Variants in SLIT3 observed in about 807,000 individuals in gnomAD.
SLIT3 encodes the protein slit guidance ligand 3.
In SLIT3, 68 loss-of-function variants were observed where a neutral mutation model predicts 184.0. The observed-to-expected ratio is 0.37, with a 90% CI of 0.30 to 0.45. The LOEUF (loss-of-function observed/expected upper bound fraction) is 0.45. SLIT3 is among the 20% of genes least tolerant of loss of function. The probability of loss-of-function intolerance (pLI) is 1.00; values close to 1 mark genes in which losing one functional copy is unlikely to be tolerated. For missense variants in SLIT3, 1,707 were observed against 2,026.0 expected (o/e 0.84, Z 3.02); for synonymous variants, 831 against 828.6 (o/e 1.00, Z -0.05).
chr5:168,666,386 GGTCCCACATGGCT>G lies in SLIT3; in HGVS notation c.*55_*67del. 1 of 1,409,522 alleles carries G rather than the reference GGTCCCACATGGCT, an allele frequency of 7.1e-7. No homozygotes were observed. Among genetic ancestry groups the G allele is most frequent in the Non-Finnish European group, 9.3e-7 (1 of 1,072,066 alleles). 87.3% of individuals were successfully genotyped at this position (1,409,522 alleles called of 1,614,324 possible). Reference sequence around the variant, plus strand: ...TTTCCTTCATGCTGAATCACCAGGGGGTCCCACATGGCTGTCCCAACTCCATCAAGCTGGAGTC... The same window carrying G: ...TTTCCTTCATGCTGAATCACCAGGGGGTCCCAACTCCATCAAGCTGGAGTC... On this transcript the variant is annotated 3_prime_UTR_variant, in exon 36 of 36. Coordinates refer to ENST00000519560, the MANE Select transcript of SLIT3 (RefSeq NM_003062.4).
chr5:168,931,627 T>C (rs1761989759), intron 4 of SLIT3, among the ~76,000 whole-genome samples: 1 of 152,188 alleles, frequency 6.6e-6, no homozygotes, highest in African/African-American at 2.4e-5. Context: ...GGATAGGACC[T>C]AGGCTGGGTG....
intron 4 of SLIT3, among the ~76,000 whole-genome samples, chr5:169,134,645 A>C (rs2042155): frequency 0.34 from 50,959 of 152,006 alleles, 8,969 homozygotes; most frequent in Middle Eastern, 0.47. Flanking sequence ...GAAATACCTA[A>C]TGAAAATGTC....
intron 4 of SLIT3, among the ~76,000 whole-genome samples, chr5:168,942,962 A>G (rs1762372860): frequency 6.6e-6 from 1 of 152,218 alleles, no homozygotes; most frequent in Non-Finnish European, 1.5e-5. Flanking sequence ...GGCACTGCTG[A>G]TCCTAACAAA....
At chr5:169,281,180 A>G (rs969081227) in intron 1 of SLIT3, among the ~76,000 whole-genome samples, 1 of 152,150 alleles carries the variant, frequency 6.6e-6, no homozygotes, top group Non-Finnish European at 1.5e-5. Context: ...GTATTCCCCT[A>G]ATCTTATTAT....
At chr5:168,842,442 C>A in intron 6 of SLIT3, among the ~76,000 whole-genome samples, 1 of 146,194 alleles carries the variant, frequency 6.8e-6, no homozygotes, top group Non-Finnish European at 1.5e-5. Context: ...CTTGGAGACA[C>A]CTGGTGCATC....
intron 4 of SLIT3, among the ~76,000 whole-genome samples, chr5:169,149,936 C>T (rs1026762985): frequency 1.3e-5 from 2 of 152,166 alleles, no homozygotes; most frequent in Non-Finnish European, 2.9e-5. Context: ...CTGCGTATCT[C>T]CTTTAATTCT....
At chr5:168,939,565 C>A (rs1342839805) in intron 4 of SLIT3, among the ~76,000 whole-genome samples, 1 of 152,206 alleles carries the variant, frequency 6.6e-6, no homozygotes, top group African/African-American at 2.4e-5. Flanking sequence ...ACACATTCAG[C>A]AACTTTAAGA....
At chr5:169,238,514 T>C (rs941654716) in intron 3 of SLIT3, among the ~76,000 whole-genome samples, 6 of 151,086 alleles carry the variant, frequency 4.0e-5, no homozygotes, top group African/African-American at 1.5e-4. Context: ...TAAATTTCCC[T>C]GTAGTTTTAG....
intron 4 of SLIT3, among the ~76,000 whole-genome samples, chr5:168,935,987 C>T (rs1762146398): frequency 1.3e-5 from 2 of 152,304 alleles, no homozygotes; most frequent in African/African-American, 2.4e-5. Flanking sequence ...AACAATGCAA[C>T]GAACCTGGCA....
chr5:169,291,804 C>T (rs2113661188), intron 1 of SLIT3, among the ~76,000 whole-genome samples: 1 of 152,334 alleles, frequency 6.6e-6, no homozygotes, highest in African/African-American at 2.4e-5. Context: ...AGTTGGAGTG[C>T]AGCCTCTGAG....
At chr5:168,802,377 A>G (rs1271890012) in intron 9 of SLIT3, among the ~76,000 whole-genome samples, 1 of 151,998 alleles carries the variant, frequency 6.6e-6, no homozygotes, top group Non-Finnish European at 1.5e-5. Context: ...TCTCTCTTAC[A>G]TGTCACCTCT....
intron 5 of SLIT3, among the ~76,000 whole-genome samples, chr5:168,864,618 G>C (rs921639303): frequency 2.6e-5 from 4 of 152,172 alleles, no homozygotes; most frequent in African/African-American, 4.8e-5. Context: ...TGTGAAAGAT[G>C]GCCCAGCACC....
At chr5:169,100,957 C>T (rs752553019) in intron 4 of SLIT3, among the ~76,000 whole-genome samples, 16 of 152,152 alleles carry the variant, frequency 1.1e-4, no homozygotes, top group Non-Finnish European at 2.2e-4. Context: ...AAATAAGTAG[C>T]CCAGCATGGG....
intron 3 of SLIT3, among the ~76,000 whole-genome samples, chr5:169,230,919 G>C (rs1340457301): frequency 1.3e-5 from 2 of 152,022 alleles, no homozygotes; most frequent in Non-Finnish European, 2.9e-5. Context: ...AATATATTTT[G>C]AGTATCCCTA....
chr5:168,917,921 GTCTCTC>G (rs1761496436), intron 4 of SLIT3, among the ~76,000 whole-genome samples: 1 of 152,178 alleles, frequency 6.6e-6, no homozygotes, highest in Non-Finnish European at 1.5e-5. Flanking sequence ...CTTCCCCCAA[GTCTCTC>G]TCCCTTCATC....
At chr5:168,932,258 G>GTTTGC (rs763321364) in intron 4 of SLIT3, among the ~76,000 whole-genome samples, 1 of 103,560 alleles carries the variant, frequency 9.7e-6, no homozygotes, top group Non-Finnish European at 2.0e-5. Flanking sequence ...TTGTTGTTGT[G>GTTTGC]TTTTTTTTTT....
chr5:169,158,842 A>G (rs924837847), intron 4 of SLIT3, among the ~76,000 whole-genome samples: 1 of 152,236 alleles, frequency 6.6e-6, no homozygotes, highest in Non-Finnish European at 1.5e-5. Context: ...TAAATAAATC[A>G]AAATGGAATT....
At chr5:168,699,137 GT>G (rs1762144372) in intron 27 of SLIT3, among the ~76,000 whole-genome samples, 1 of 152,240 alleles carries the variant, frequency 6.6e-6, no homozygotes, top group Non-Finnish European at 1.5e-5. Flanking sequence ...GCAGGAGTGG[GT>G]GGTTTGGCTG....
Position 169,300,558 on chromosome 5 carries a change from C to T in SLIT3, c.152G>A (p.Gly51Asp), listed in dbSNP as rs766054987. Reference sequence around the variant, plus strand: ...GATGCCCCGAGGAACCGCGCGGAGGCCCAGCCCGTGGCAGTCCACGCTGGC... The same window carrying T: ...GATGCCCCGAGGAACCGCGCGGAGGTCCAGCCCGTGGCAGTCCACGCTGGC... ...SAASVDCHGL[G>D]LRAVPRGIPR... Residue 51 changes from glycine (G) to aspartate (D), a missense_variant, in exon 1 of 36, where the codon GGC (glycine) becomes GAC (aspartate). By Grantham distance (94) the Gly-to-Asp change is moderately conservative (BLOSUM62 -1). Coordinates refer to ENST00000519560, the MANE Select transcript of SLIT3 (RefSeq NM_003062.4). This position sits in a 1 kb window ranked among gnomAD's most constrained non-coding sequence, Gnocchi z 4.1. 6.6e-7 allele frequency: 1 copy of T among 1,510,152 alleles called. No homozygotes were observed. Among genetic ancestry groups the T allele is most frequent in the South Asian group, 1.2e-5 (1 of 81,252 alleles). 93.5% of individuals were successfully genotyped at this position (1,510,152 alleles called of 1,614,324 possible). A position where few individuals can be genotyped will look rare whatever the true frequency, so the allele number is the denominator to read the frequency against.
Sources: allele counts gnomAD v4.1 joint callset (sites outside exome capture counted in the v4.1 genomes callset), GRCh38; gene constraint gnomAD v4.1.1; non-coding constraint Gnocchi (gnomAD v3.1); transcripts MANE v1.5; gene names NCBI Gene and HGNC (gene_info 2026-07-23, HGNC 2026-07-21).